Variants in TMEM40 observed in about 807,000 individuals in gnomAD.
TMEM40 encodes the protein transmembrane protein 40.
In TMEM40, 34 loss-of-function variants were observed where a neutral mutation model predicts 40.8. The ratio of observed to expected loss-of-function variants is 0.83; its 90% CI spans 0.63 to 1.11. TMEM40 has a LOEUF of 1.11. TMEM40 is among the 50% of genes least tolerant of loss of function. The probability of loss-of-function intolerance (pLI) is 0.00; values close to 1 mark genes in which losing one functional copy is unlikely to be tolerated. For synonymous variants in TMEM40, 106 were observed against 107.0 expected (o/e 0.99, Z 0.06); for missense variants, 296 against 280.2 (o/e 1.06, Z -0.40).
intron 1 of TMEM40, among the ~76,000 whole-genome samples, chr3:12,768,919 G>GGGC (rs1250164257): frequency 3.5e-5 from 3 of 85,684 alleles, no homozygotes; most frequent in Non-Finnish European, 7.3e-5. Flanking sequence ...GGCCGGGGCC[G>GGGC]GGGCCGGGGC....
At chr3:12,761,568 T>G (rs1354931224), upstream of TMEM40, among the ~76,000 whole-genome samples, 3 of 150,814 alleles carry the variant, frequency 2.0e-5, no homozygotes, top group Non-Finnish European at 4.4e-5. Context: ...ATGACACCAC[T>G]GCACTCCAAC....
Position 12,767,811 on chromosome 3 carries a change from G to A in TMEM40, c.-9+1440C>T, listed in dbSNP as rs566814877. ...CTGGTCTCACCTTGAGGACCTACTG[G>A]GGCTAGTTTGTGTCCAGCATACAGC... On this transcript the variant is annotated intron_variant, in intron 1 of 11. Coordinates refer to the TMEM40 transcript ENST00000264728. Among the ~76,000 whole-genome samples the A allele has an allele frequency of 2.6e-5, 4 of 152,240 alleles. No individual in the cohort carries two copies. The South Asian group carries it at 6.2e-4, about 24-fold the overall frequency.
intron 1 of TMEM40, among the ~76,000 whole-genome samples, chr3:12,753,211 C>CTTTTTT (rs56739791): frequency 1.8e-3 from 141 of 76,250 alleles, no homozygotes; most frequent in African/African-American, 2.6e-3. Context: ...TTCTTTCTTT[C>CTTTTTT]TTTTTTTTTT....
intron 6 of TMEM40, 94 bp from the exon 7 acceptor site, chr3:12,738,262 A>T: frequency 7.0e-7 from 1 of 1,424,654 alleles, no homozygotes; most frequent in Non-Finnish European, 9.8e-7. Context: ...GACCTAAAAA[A>T]ATGTCCCCAT....
chr3:12,746,266 C>A (rs1033340033), intron 3 of TMEM40, among the ~76,000 whole-genome samples: 1 of 151,226 alleles, frequency 6.6e-6, no homozygotes, highest in African/African-American at 2.5e-5. Context: ...CATTGCTAGT[C>A]CCTAGTACCC....
At chr3:12,760,897 A>G (rs954297305), upstream of TMEM40, among the ~76,000 whole-genome samples, 10 of 152,078 alleles carry the variant, frequency 6.6e-5, no homozygotes, top group Non-Finnish European at 2.9e-5. Context: ...ATGCACCCCC[A>G]CGCCTGGCTG....
intron 1 of TMEM40, among the ~76,000 whole-genome samples, chr3:12,768,754 C>T (rs1042732043): frequency 2.0e-5 from 3 of 152,116 alleles, no homozygotes; most frequent in African/African-American, 4.8e-5. Context: ...CACCGGGGGC[C>T]GCAGGTGGAG....
intron 1 of TMEM40, among the ~76,000 whole-genome samples, chr3:12,765,084 C>T (rs535350971): frequency 3.3e-5 from 5 of 152,092 alleles, no homozygotes; most frequent in East Asian, 1.9e-4. Flanking sequence ...CTTGAACTCC[C>T]GACCTCAAGT....
chr3:12,755,941 C>T (rs1017965908), intron 1 of TMEM40, among the ~76,000 whole-genome samples: 1 of 152,118 alleles, frequency 6.6e-6, no homozygotes, highest in Non-Finnish European at 1.5e-5. Flanking sequence ...GCAAAGAAAC[C>T]GCGGATGGAG....
chr3:12,757,587 A>G (rs763701143), intron 1 of TMEM40, among the ~76,000 whole-genome samples: 1 of 152,170 alleles, frequency 6.6e-6, no homozygotes, highest in Non-Finnish European at 1.5e-5. Flanking sequence ...ACATACAGAC[A>G]CTAACAAGTA....
intron 2 of TMEM40, among the ~76,000 whole-genome samples, chr3:12,749,314 G>T (rs150284676): frequency 6.6e-6 from 1 of 152,116 alleles, no homozygotes; most frequent in Non-Finnish European, 1.5e-5. Flanking sequence ...GTGAGCCGCC[G>T]CGCCCGGCCA....
intron 1 of TMEM40, among the ~76,000 whole-genome samples, chr3:12,765,284 G>C (rs557868828): frequency 5.6e-4 from 85 of 151,994 alleles, no homozygotes; most frequent in African/African-American, 2.0e-3. Context: ...AAATCCTTTT[G>C]ACAAATAAAA....
chr3:12,748,943 G>A (rs1350599415), intron 2 of TMEM40, 151 bp from the exon 3 acceptor site: 2 of 681,698 alleles, frequency 2.9e-6, no homozygotes, highest in African/African-American at 1.8e-5. Context: ...CAACATGCAG[G>A]AGACCAAGGC....
At chr3:12,768,947 G>T (rs1269656156) in intron 1 of TMEM40, among the ~76,000 whole-genome samples, 2 of 142,310 alleles carry the variant, frequency 1.4e-5, no homozygotes, top group East Asian at 4.5e-4. Flanking sequence ...GGGGGGCGGG[G>T]GGGGCGGGGG....
chr3:12,749,332 G>A (rs781123876), intron 2 of TMEM40, among the ~76,000 whole-genome samples: 19 of 152,150 alleles, frequency 1.2e-4, no homozygotes, highest in Non-Finnish European at 2.4e-4. Context: ...CCAGAAAAGG[G>A]GTTTCTAAGC....
At chr3:12,735,243 G>A (rs2061329145) in intron 11 of TMEM40, among the ~76,000 whole-genome samples, 1 of 152,218 alleles carries the variant, frequency 6.6e-6, no homozygotes, top group Admixed American at 6.5e-5. Context: ...GAAGTGTAAA[G>A]TTCTATAAGA....
rs1337652915 is a variant in TMEM40 at position 12,755,245 on chromosome 3, T to C, written c.-9+3946A>G. 2.8e-3 allele frequency among the ~76,000 whole-genome samples: 305 copies of C among 107,464 alleles called. 5 individuals are homozygous for C. Among genetic ancestry groups the C allele is most frequent in the African/African-American group, 0.014 (281 of 20,650 alleles). The allele number at this position is 107,464 out of a possible 152,430, so 70.5% of individuals were successfully genotyped here. A position where few individuals can be genotyped will look rare whatever the true frequency, so the allele number is the denominator to read the frequency against. On this transcript the variant is annotated intron_variant, in intron 1 of 11. Transcript: ENST00000314124. ...TCTCTCTCTCTCTCTCTTTCTTTCT[T>C]TCTTTCTTTCTTTCTTTCTTTCTTT...
intron 3 of TMEM40, among the ~76,000 whole-genome samples, chr3:12,748,272 G>A (rs80063321): frequency 0.041 from 6,250 of 152,302 alleles, 438 homozygotes; most frequent in African/African-American, 0.14. Context: ...CTTAGTGGTA[G>A]AGACAGGATT....
chr3:12,743,716 G>A (rs2061400819), intron 4 of TMEM40, among the ~76,000 whole-genome samples, 184 bp downstream of exon 4: 1 of 152,160 alleles, frequency 6.6e-6, no homozygotes, highest in South Asian at 2.1e-4. Flanking sequence ...TTCAGCGATA[G>A]ATGAAGAGCA....
Sources: allele counts gnomAD v4.1 joint callset (sites outside exome capture counted in the v4.1 genomes callset), GRCh38; gene constraint gnomAD v4.1.1; transcripts MANE v1.5; gene names NCBI Gene and HGNC (gene_info 2026-07-23, HGNC 2026-07-21).